The following CCND2 variants were observed in gnomAD, a reference collection of about 807,000 sequenced individuals.
CCND2 encodes G1/S-specific cyclin-D2.
A neutral mutation model predicts 30.2 loss-of-function variants in CCND2; 6 were observed. The ratio of observed to expected loss-of-function variants is 0.20; its 90% CI spans 0.11 to 0.39. The LOEUF (loss-of-function observed/expected upper bound fraction) is 0.39. Among genes scored for constraint, CCND2 ranks in the 10% least tolerant of loss-of-function variants. CCND2 has a pLI of 1.00. For missense variants in CCND2, 235 were observed against 373.4 expected (o/e 0.63, Z 3.06); for synonymous variants, 150 against 153.1 (o/e 0.98, Z 0.15).
intron 4 of CCND2, among the ~76,000 whole-genome samples, chr12:4,296,911 G>A (rs1211351573): frequency 2.2e-4 from 33 of 152,202 alleles, no homozygotes; most frequent in Non-Finnish European, 4.4e-5. Flanking sequence ...AGGGGGTGAC[G>A]GAGGATGGCT....
rs963245288 is a variant in CCND2, at chr12:4,274,324, T to C, written c.195+89T>C. ...GAGCCCTAAACCTGGGAGAGGGCAA[T>C]CCCCGCGCCGGCCTCCCGGCTCCTG... is the stretch of plus-strand genomic sequence containing the variant. On this transcript the variant is annotated intron_variant, in intron 1 of 4. Coordinates refer to ENST00000261254, the MANE Select transcript of CCND2 (RefSeq NM_001759.4). The surrounding 1 kb of genome is among the most constrained non-coding windows in gnomAD (Gnocchi z 7.7). The C allele has an allele frequency of 1.4e-6, 2 of 1,399,412 alleles. No individual in the cohort carries two copies. Among genetic ancestry groups the C allele is most frequent in the Non-Finnish European group, 2.0e-6 (2 of 1,012,486 alleles). The allele number at this position is 1,399,412 out of a possible 1,614,324, so 86.7% of individuals were successfully genotyped here.
Position 4,301,464 on chromosome 12 carries a change from A to G in CCND2, c.*1455A>G, listed in dbSNP as rs1192193212. 8.7e-6 allele frequency: 2 copies of G among 230,464 alleles called. No homozygotes were observed. Among genetic ancestry groups the G allele is most frequent in the Non-Finnish European group, 8.5e-6 (1 of 116,978 alleles). The allele number at this position is 230,464 out of a possible 1,614,324, so 14.3% of individuals were successfully genotyped here. A position where few individuals can be genotyped will look rare whatever the true frequency, so the allele number is the denominator to read the frequency against. On this transcript the variant is annotated 3_prime_UTR_variant, in exon 5 of 5. Coordinates refer to ENST00000261254, the MANE Select transcript of CCND2 (RefSeq NM_001759.4). Reference sequence around the variant, plus strand: ...GGCATTCAGTTAGCAAAGAGGTTGGAGCAACAACTTTTTTTTTTTTTTTTG... The same window carrying G: ...GGCATTCAGTTAGCAAAGAGGTTGGGGCAACAACTTTTTTTTTTTTTTTTG...
In CCND2 at chr12:4,285,261, T is replaced by C; in HGVS notation, c.572-3581T>C. ...GGATCGCTGATCGGTTCATTGCCTCTCTCTCTGCTGCAGGAGGAAGGATCT... is the reference window on the plus strand; with the variant it reads ...GGATCGCTGATCGGTTCATTGCCTCCCTCTCTGCTGCAGGAGGAAGGATCT... On this transcript the variant is annotated intron_variant, in intron 3 of 4. Transcript: ENST00000261254. This position sits in a 1 kb window ranked among gnomAD's most constrained non-coding sequence, Gnocchi z 4.1. The C allele has an allele frequency of 1.0e-6, 1 of 984,672 alleles. No individual in the cohort carries two copies. The highest frequency in any genetic ancestry group is 1.2e-6 in the Non-Finnish European group (1 of 829,308). The allele number at this position is 984,672 out of a possible 1,614,324, so 61.0% of individuals were successfully genotyped here.
intron 4 of CCND2, 123 bp downstream of exon 4, chr12:4,289,113 C>A: frequency 2.2e-6 from 2 of 922,818 alleles, no homozygotes; most frequent in Non-Finnish European, 3.1e-6. Context: ...AGATCGACAT[C>A]CAAGGGAGTG....
chr12:4,299,778 C>G lies in CCND2; in HGVS notation c.721-82C>G. The G allele has an allele frequency of 7.4e-7, 1 of 1,342,562 alleles. No individual in the cohort carries two copies. Among genetic ancestry groups the G allele is most frequent in the Non-Finnish European group, 1.0e-6 (1 of 966,894 alleles). 83.2% of individuals were successfully genotyped at this position (1,342,562 alleles called of 1,614,324 possible). Reference sequence around the variant, plus strand: ...GGAAACTAGCACAGACTTATGCAAGCTAAATTACGCATGTTTTCTCCGTAG... The same window carrying G: ...GGAAACTAGCACAGACTTATGCAAGGTAAATTACGCATGTTTTCTCCGTAG... On this transcript the variant is annotated intron_variant, in intron 4 of 4. Coordinates refer to ENST00000261254, the MANE Select transcript of CCND2 (RefSeq NM_001759.4). This position sits in a 1 kb window ranked among gnomAD's most constrained non-coding sequence, Gnocchi z 5.2.
At position 4,302,507 on chromosome 12, in the gene CCND2, T is replaced by A. The variant is rs867050804; in HGVS notation, c.*2498T>A. 43 of 232,900 alleles carry A rather than the reference T, an allele frequency of 1.8e-4. No homozygotes were observed. Among genetic ancestry groups the A allele is most frequent in the Admixed American group, 1.7e-4 (3 of 17,760 alleles). The allele number at this position is 232,900 out of a possible 1,614,324, so 14.4% of individuals were successfully genotyped here. A position where few individuals can be genotyped will look rare whatever the true frequency, so the allele number is the denominator to read the frequency against. On this transcript the variant is annotated 3_prime_UTR_variant, in exon 5 of 5. Transcript: ENST00000261254. Reference sequence around the variant, plus strand: ...CATGGACACCTTGTGTTTAGGATCATCTCTGCAGGTTTCCTAGGTCTGAAT... The same window carrying A: ...CATGGACACCTTGTGTTTAGGATCAACTCTGCAGGTTTCCTAGGTCTGAAT...
intron 4 of CCND2, among the ~76,000 whole-genome samples, chr12:4,296,680 C>T (rs1053528740): frequency 1.4e-5 from 2 of 146,762 alleles, no homozygotes; most frequent in African/African-American, 2.5e-5. Flanking sequence ...GGAGATACTC[C>T]GATTTAGTCC....
chr12:4,286,469 G>A (rs1046027394), intron 3 of CCND2, among the ~76,000 whole-genome samples: 2 of 152,208 alleles, frequency 1.3e-5, no homozygotes, highest in Non-Finnish European at 2.9e-5. Context: ...GGGATCCCGA[G>A]GAAGATGCTC....
rs973174190 is a variant in CCND2 at position 4,304,489 on chromosome 12, A to G, written c.*4480A>G. 1.7e-5 allele frequency: 4 copies of G among 233,562 alleles called. No individual in the cohort carries two copies. The highest frequency in any genetic ancestry group is 8.8e-5 in the African/African-American group (4 of 45,352). 14.5% of individuals were successfully genotyped at this position (233,562 alleles called of 1,614,324 possible). Reference sequence around the variant, plus strand: ...ATCCATTTGTGCAAAATAGGGTAAGAAGATTCAAGAGGATATTTATTACTT... The same window carrying G: ...ATCCATTTGTGCAAAATAGGGTAAGGAGATTCAAGAGGATATTTATTACTT... On this transcript the variant is annotated 3_prime_UTR_variant, in exon 5 of 5. Coordinates refer to ENST00000261254, the MANE Select transcript of CCND2 (RefSeq NM_001759.4). This position sits in a 1 kb window ranked among gnomAD's most constrained non-coding sequence, Gnocchi z 6.2.
At chr12:4,290,275 GTCC>G (rs1469027444) in intron 4 of CCND2, among the ~76,000 whole-genome samples, 1 of 152,158 alleles carries the variant, frequency 6.6e-6, no homozygotes, top group African/African-American at 2.4e-5. Flanking sequence ...CAAATCCGGG[GTCC>G]TCCTCTGAGA....
At chr12:4,283,375 G>T (rs1015279524) in intron 3 of CCND2, among the ~76,000 whole-genome samples, 1 of 152,174 alleles carries the variant, frequency 6.6e-6, no homozygotes, top group African/African-American at 2.4e-5. Context: ...GTGAAAGGCT[G>T]CCCTGTCCTC....
At position 4,293,918 on chromosome 12, in the gene CCND2, C is replaced by G. The variant is rs1423725382; in HGVS notation, c.720+4928C>G. On this transcript the variant is annotated intron_variant, in intron 4 of 4. Coordinates refer to ENST00000261254, the MANE Select transcript of CCND2 (RefSeq NM_001759.4). The surrounding 1 kb of genome is among the most constrained non-coding windows in gnomAD (Gnocchi z 4.9). ...GGAATAGAATCGGGGGCTGATGCCT[C>G]CCTCTCCTGCCTCATTTTTCTGTGG... Among the ~76,000 whole-genome samples, 1 of 152,146 alleles carries G rather than the reference C, an allele frequency of 6.6e-6. No homozygotes were observed.
In CCND2 at chr12:4,302,993, C is replaced by T. The variant is rs1049611; in HGVS notation, c.*2984C>T. ...AAGGAGTCCCACGGAATGGGGAAAG[C>T]GGGAACCCTGGAGTTCTTGGGAATC... On this transcript the variant is annotated 3_prime_UTR_variant, in exon 5 of 5. Coordinates refer to ENST00000261254, the MANE Select transcript of CCND2 (RefSeq NM_001759.4). 2,020 of 233,228 alleles carry T rather than the reference C, an allele frequency of 8.7e-3. 31 individuals carry two copies. The highest frequency in any genetic ancestry group is 0.04 in the African/African-American group (1,823 of 45,420). The allele number at this position is 233,228 out of a possible 1,614,324, so 14.4% of individuals were successfully genotyped here.
chr12:4,287,130 C>T lies in CCND2; in HGVS notation c.572-1712C>T, dbSNP rs563852972. ...GGGGCGGGTGGACAGCAGGCGTGGG[C>T]GCAGCACCATTATATACGTCCCTCA... is the stretch of plus-strand genomic sequence containing the variant. On this transcript the variant is annotated intron_variant, in intron 3 of 4. Transcript: ENST00000261254. The surrounding 1 kb of genome is among the most constrained non-coding windows in gnomAD (Gnocchi z 4.0). 1.9e-4 allele frequency among the ~76,000 whole-genome samples: 29 copies of T among 152,232 alleles called. 1 individual carries two copies. The highest frequency in any genetic ancestry group is 1.0e-3 in the South Asian group (5 of 4,822).
chr12:4,284,356 G>T (rs1043506661), intron 3 of CCND2, among the ~76,000 whole-genome samples: 1 of 152,196 alleles, frequency 6.6e-6, no homozygotes, highest in African/African-American at 2.4e-5. Flanking sequence ...CTTGGTAGGT[G>T]GTGGGATGGA....
rs796222154 is a variant in CCND2, at chr12:4,285,507, A to AAC, written c.572-3333_572-3332dup. On this transcript the variant is annotated intron_variant, in intron 3 of 4. Coordinates refer to ENST00000261254, the MANE Select transcript of CCND2 (RefSeq NM_001759.4). The surrounding 1 kb of genome is among the most constrained non-coding windows in gnomAD (Gnocchi z 4.1). ...CATCTGTGTTTCTCCCACCTAACAGAACAGCTTTTATTTTCCGTGCATCCT... is the reference window on the plus strand; with the variant it reads ...CATCTGTGTTTCTCCCACCTAACAGAACACAGCTTTTATTTTCCGTGCATCCT... The AAC allele has an allele frequency of 1.3e-5, 10 of 769,106 alleles. 1 individual carries two copies. The African/African-American group carries it at 1.9e-4, about 15-fold the overall frequency. The allele number at this position is 769,106 out of a possible 1,614,324, so 47.6% of individuals were successfully genotyped here.
intron 3 of CCND2, among the ~76,000 whole-genome samples, chr12:4,279,716 G>T (rs1237588943): frequency 6.7e-6 from 1 of 150,292 alleles, no homozygotes; most frequent in Non-Finnish European, 1.5e-5. Flanking sequence ...GTGTCTACTG[G>T]TTTTTTGTTT....
intron 4 of CCND2, among the ~76,000 whole-genome samples, chr12:4,294,349 G>A (rs559924705): frequency 9.2e-5 from 14 of 152,064 alleles, no homozygotes; most frequent in Non-Finnish European, 1.8e-4. Context: ...CCGCCAGCGC[G>A]GTAGGGTACC....
At chr12:4,298,252 T>C (rs1025650360) in intron 4 of CCND2, among the ~76,000 whole-genome samples, 3 of 152,232 alleles carry the variant, frequency 2.0e-5, no homozygotes, top group Non-Finnish European at 4.4e-5. Context: ...CCAGGTGATA[T>C]TTCGTCTCTG....
Sources: allele counts gnomAD v4.1 joint callset (sites outside exome capture counted in the v4.1 genomes callset), GRCh38; gene constraint gnomAD v4.1.1; non-coding constraint Gnocchi (gnomAD v3.1); transcripts MANE v1.5; gene names NCBI Gene and HGNC (gene_info 2026-07-23, HGNC 2026-07-21).